The following DLGAP2 variants were observed in gnomAD, a reference collection of about 807,000 sequenced individuals.
DLGAP2 encodes the protein DLG associated protein 2, also known as disks large-associated protein 2.
A neutral mutation model predicts 100.3 loss-of-function variants in DLGAP2; 26 were observed. That is an observed-to-expected ratio of 0.26 (90% CI 0.19 to 0.36). The LOEUF (loss-of-function observed/expected upper bound fraction) is 0.36. Ranked by LOEUF, DLGAP2 falls within the 10% of genes least tolerant of loss-of-function variation. DLGAP2 has a pLI of 1.00. For synonymous variants in DLGAP2, 886 were observed against 630.1 expected (o/e 1.41, Z -6.08); for missense variants, 1,858 against 1,453.2 (o/e 1.28, Z -4.53).
rs142754770 is a variant in DLGAP2, at chr8:794,226, C to T, written c.18+56401C>T. 4.1e-3 allele frequency among the ~76,000 whole-genome samples: 616 copies of T among 151,788 alleles called. 4 individuals are homozygous for T. Among genetic ancestry groups the T allele is most frequent in the African/African-American group, 0.014 (581 of 41,398 alleles). On this transcript the variant is annotated intron_variant, in intron 1 of 14. Transcript: ENST00000637795. Reference sequence around the variant, plus strand: ...CGTGTTTCTAGCTGCAGAATGGGGTCCCTGGTGGTGTGAGTGAGGTCGGGA... The same window carrying T: ...CGTGTTTCTAGCTGCAGAATGGGGTTCCTGGTGGTGTGAGTGAGGTCGGGA...
At chr8:1,305,849 G>A (rs1800477279) in intron 3 of DLGAP2, among the ~76,000 whole-genome samples, 1 of 152,168 alleles carries the variant, frequency 6.6e-6, no homozygotes, top group African/African-American at 2.4e-5. Flanking sequence ...TGTGAGGTCA[G>A]GAACAAGGCA....
rs555232587 is a variant in DLGAP2, at chr8:1,626,260, C to G, written c.1443-480C>G. On this transcript the variant is annotated intron_variant, in intron 6 of 14. Transcript: ENST00000637795. ...CTCTACCCTGCAGCGGGTGCTCACC[C>G]TCTGGGTGTGGGTTGGACGGCTGTT... 1.6e-4 allele frequency among the ~76,000 whole-genome samples: 20 copies of G among 127,750 alleles called. 1 individual carries two copies. In the South Asian group the frequency reaches 5.7e-3, roughly 37 times the overall value. 83.8% of individuals were successfully genotyped at this position (127,750 alleles called of 152,430 possible). A position where few individuals can be genotyped will look rare whatever the true frequency, so the allele number is the denominator to read the frequency against.
chr8:1,512,156 G>A (rs966530432), intron 4 of DLGAP2, among the ~76,000 whole-genome samples: 15 of 152,210 alleles, frequency 9.9e-5, no homozygotes, highest in African/African-American at 2.9e-4. Flanking sequence ...GCCCTGCTGG[G>A]AACAGCTGGG....
At position 1,316,494 on chromosome 8, in the gene DLGAP2, G is replaced by C. The variant is rs578137226; in HGVS notation, c.106+57611G>C. On this transcript the variant is annotated intron_variant, in intron 3 of 14. Coordinates refer to ENST00000637795, the MANE Select transcript of DLGAP2 (RefSeq NM_001346810.2). ...AAAATAGAGCGTGTGCGAGTGCAGC[G>C]TCTCTCCAACAGTGGTCTACACTCG... Among the ~76,000 whole-genome samples, 17 of 120,952 alleles carry C rather than the reference G, an allele frequency of 1.4e-4. No individual in the cohort carries two copies. In the South Asian group the frequency reaches 4.8e-3, roughly 34 times the overall value. 79.3% of individuals were successfully genotyped at this position (120,952 alleles called of 152,430 possible). A position where few individuals can be genotyped will look rare whatever the true frequency, so the allele number is the denominator to read the frequency against.
intron 5 of DLGAP2, among the ~76,000 whole-genome samples, chr8:1,561,090 G>C (rs750326097): frequency 6.6e-6 from 1 of 152,148 alleles, no homozygotes; most frequent in Admixed American, 6.5e-5. Context: ...TGGTGACTAA[G>C]TCTTATGAGA....
chr8:891,809 C>G (rs1051626406), intron 1 of DLGAP2, among the ~76,000 whole-genome samples: 2 of 152,192 alleles, frequency 1.3e-5, no homozygotes, highest in Non-Finnish European at 2.9e-5. Flanking sequence ...GAGATTCTCA[C>G]TGCCTGGGGA....
intron 4 of DLGAP2, among the ~76,000 whole-genome samples, chr8:1,510,089 T>C (rs1355519821): frequency 6.6e-6 from 1 of 152,240 alleles, no homozygotes; most frequent in Non-Finnish European, 1.5e-5. Flanking sequence ...GAAGAGTTTT[T>C]TGTAAGGATT....
At chr8:1,544,881 C>T (rs112868481) in intron 4 of DLGAP2, among the ~76,000 whole-genome samples, 4,089 of 151,942 alleles carry the variant, frequency 0.027, 199 homozygotes, top group African/African-American at 0.093. Flanking sequence ...TACAGGCATG[C>T]GCCACCATGC....
At chr8:1,507,728 C>G (rs1799977655) in intron 4 of DLGAP2, among the ~76,000 whole-genome samples, 1 of 150,158 alleles carries the variant, frequency 6.7e-6, no homozygotes, top group Non-Finnish European at 1.5e-5. Flanking sequence ...TCCTGTCTCC[C>G]AGGCATTCGT....
chr8:869,575 A>G lies in DLGAP2; in HGVS notation c.19-38337A>G, dbSNP rs147358916. 2.6e-5 allele frequency among the ~76,000 whole-genome samples: 4 copies of G among 152,320 alleles called. No homozygotes were observed. In the East Asian group the frequency reaches 7.7e-4, roughly 29 times the overall value. On this transcript the variant is annotated intron_variant, in intron 1 of 14. Transcript: ENST00000637795. ...GCTCTCAAACATGGGCTTTTTAATA[A>G]CTCCAAGACCTCCCTGTCTTTTCCA... is the stretch of plus-strand genomic sequence containing the variant.
chr8:1,544,061 C>G (rs1341634887), intron 4 of DLGAP2, among the ~76,000 whole-genome samples: 2 of 152,032 alleles, frequency 1.3e-5, no homozygotes, highest in South Asian at 2.1e-4. Flanking sequence ...TACTACTATG[C>G]CTGGCTAATT....
intron 3 of DLGAP2, among the ~76,000 whole-genome samples, chr8:1,414,587 C>T (rs1796826264): frequency 6.6e-6 from 1 of 152,188 alleles, no homozygotes; most frequent in South Asian, 2.1e-4. Flanking sequence ...GGAGGCAGAA[C>T]ACGGCTGGGA....
At chr8:1,040,675 C>T (rs946771141) in intron 2 of DLGAP2, among the ~76,000 whole-genome samples, 18 of 149,510 alleles carry the variant, frequency 1.2e-4, no homozygotes, top group African/African-American at 3.5e-4. Flanking sequence ...TGTGTGTGGT[C>T]GGCTCGGTTT....
In DLGAP2 at chr8:1,094,786, T is replaced by C. The variant is rs546887229; in HGVS notation, c.74-164065T>C. On this transcript the variant is annotated intron_variant, in intron 2 of 14. Transcript: ENST00000637795. ...TTCTTCTCTTAGCGTGGGCATGGCA[T>C]TGAACACAGAAGGCTTATATTAGGA... is the stretch of plus-strand genomic sequence containing the variant. 2.0e-5 allele frequency among the ~76,000 whole-genome samples: 3 copies of C among 152,340 alleles called. No individual in the cohort carries two copies. The South Asian group carries it at 6.2e-4, about 32-fold the overall frequency.
At chr8:906,428 G>C (rs529453069) in intron 1 of DLGAP2, among the ~76,000 whole-genome samples, 4 of 152,160 alleles carry the variant, frequency 2.6e-5, no homozygotes, top group Non-Finnish European at 5.9e-5. Flanking sequence ...GATCCCTGAG[G>C]CCCTTTGGAA....
intron 2 of DLGAP2, among the ~76,000 whole-genome samples, chr8:998,391 C>A (rs1800848469): frequency 6.6e-6 from 1 of 152,160 alleles, no homozygotes; most frequent in Non-Finnish European, 1.5e-5. Context: ...GCCTTGAACT[C>A]CTGGGCTCAA....
chr8:1,408,747 G>T (rs1796645554), intron 3 of DLGAP2, among the ~76,000 whole-genome samples: 1 of 152,136 alleles, frequency 6.6e-6, no homozygotes, highest in African/African-American at 2.4e-5. Flanking sequence ...ACCCGGGAAA[G>T]CCAGGTTTTG....
chr8:1,231,101 T>C (rs1367122336), intron 2 of DLGAP2, among the ~76,000 whole-genome samples: 1 of 151,796 alleles, frequency 6.6e-6, no homozygotes, highest in Non-Finnish European at 1.5e-5. Context: ...TTGCAAGCTA[T>C]GGTCTAATAC....
intron 5 of DLGAP2, among the ~76,000 whole-genome samples, chr8:1,557,038 G>A (rs377141017): frequency 3.3e-5 from 5 of 152,112 alleles, no homozygotes; most frequent in Admixed American, 6.5e-5. Flanking sequence ...TCAGCACGGG[G>A]GTGGGGGCTG....
Sources: allele counts gnomAD v4.1 joint callset (sites outside exome capture counted in the v4.1 genomes callset), GRCh38; gene constraint gnomAD v4.1.1; transcripts MANE v1.5; gene names NCBI Gene and HGNC (gene_info 2026-07-23, HGNC 2026-07-21).